Variants in POF1B observed in about 807,000 individuals in gnomAD.
POF1B encodes POF1B actin binding protein.
In POF1B, 53 loss-of-function variants were observed where a neutral mutation model predicts 55.3. The observed-to-expected ratio is 0.96, with a 90% CI of 0.77 to 1.20. The LOEUF is 1.20. POF1B is among the 50% of genes most tolerant of loss of function. POF1B has a pLI of 0.00. For missense variants in POF1B, 478 were observed against 420.5 expected (o/e 1.14, Z -1.20); for synonymous variants, 188 against 148.3 (o/e 1.27, Z -1.95).
chrX:85,324,629 G>T (rs989316290), intron 7 of POF1B, among the ~76,000 whole-genome samples: 1 of 111,155 alleles, frequency 9.0e-6, no homozygotes, highest in African/African-American at 3.3e-5. Flanking sequence ...GTCTCTTGAA[G>T]ATAGGATACC....
intron 5 of POF1B, among the ~76,000 whole-genome samples, chrX:85,349,545 G>T (rs1933337428): frequency 9.0e-6 from 1 of 110,632 alleles, no homozygotes; most frequent in East Asian, 2.9e-4. Flanking sequence ...AATATGACTG[G>T]TGTCCTTATA....
At chrX:85,374,071 T>C (rs983586845) in intron 2 of POF1B, among the ~76,000 whole-genome samples, 1 of 110,292 alleles carries the variant, frequency 9.1e-6, no homozygotes. Flanking sequence ...AGCAGAGGAG[T>C]GATATGGGAT....
At chrX:85,306,000 AT>A in intron 12 of POF1B, 90 bp from the exon 13 acceptor site, 1 of 1,038,095 alleles carries the variant, frequency 9.6e-7, no homozygotes, top group South Asian at 2.2e-5. Context: ...TGAAAACCAC[AT>A]GATTAAATAA....
intron 6 of POF1B, among the ~76,000 whole-genome samples, chrX:85,336,111 GTT>G (rs1933069833): frequency 9.1e-6 from 1 of 110,479 alleles, no homozygotes; most frequent in Non-Finnish European, 1.9e-5. Context: ...TGTAATATTT[GTT>G]TTTCTGTGCC....
chrX:85,378,889 AG>A (rs1158016610), intron 2 of POF1B, among the ~76,000 whole-genome samples: 1 of 112,350 alleles, frequency 8.9e-6, no homozygotes, highest in East Asian at 2.8e-4. Flanking sequence ...GTAGGGGCAA[AG>A]GGATTCCTTG....
intron 6 of POF1B, among the ~76,000 whole-genome samples, chrX:85,337,164 T>C (rs1933092376): frequency 9.0e-6 from 1 of 111,697 alleles, no homozygotes; most frequent in Non-Finnish European, 1.9e-5. Flanking sequence ...TGTGTTTGTT[T>C]TATGCCATTA....
At chrX:85,345,796 G>A (rs1414979429) in intron 6 of POF1B, 64 bp downstream of exon 6, 1 of 975,840 alleles carries the variant, frequency 1.0e-6, no homozygotes, top group Non-Finnish European at 1.4e-6. Context: ...CACCTGCATA[G>A]TGGTATGAGA....
intron 7 of POF1B, among the ~76,000 whole-genome samples, chrX:85,327,384 AATTGCTTATGAGTAATAC>A (rs1256006082): frequency 2.7e-5 from 3 of 111,805 alleles, no homozygotes; most frequent in Admixed American, 1.9e-4. Flanking sequence ...CCTTCTTTGT[AATTGCTTATGAGTAATAC>A]ATTGCCTACA....
rs1040720778 is a variant in POF1B at position 85,299,888 on chromosome X, T to G, written c.1649+3518A>C. Among the ~76,000 whole-genome samples the G allele has an allele frequency of 2.7e-5, 3 of 112,538 alleles. No individual in the cohort carries two copies. In the Admixed American group the frequency reaches 2.8e-4, roughly 11 times the overall value. The stretch of plus-strand genomic sequence containing the variant: ...AGGTTAGAGCTCCTTCAAAGCCACA[T>G]TGTCGTTATAATTGTCATTGTTTGA... On this transcript the variant is annotated intron_variant, in intron 15 of 16. Transcript: ENST00000262753.
intron 15 of POF1B, among the ~76,000 whole-genome samples, chrX:85,287,058 T>A (rs778523665): frequency 8.1e-5 from 9 of 111,332 alleles, no homozygotes; most frequent in Non-Finnish European, 1.7e-4. Context: ...TGAATGCAAA[T>A]GAAAATATAA....
intron 6 of POF1B, among the ~76,000 whole-genome samples, chrX:85,332,932 T>A (rs1022601017): frequency 9.0e-5 from 10 of 111,149 alleles, no homozygotes; most frequent in Non-Finnish European, 1.5e-4. Context: ...GTAAAGTCAA[T>A]ATCATCACAT....
intron 15 of POF1B, among the ~76,000 whole-genome samples, chrX:85,288,308 C>G (rs986420147): frequency 1.8e-5 from 2 of 110,955 alleles, no homozygotes; most frequent in Non-Finnish European, 3.8e-5. Context: ...CCCTGTCCCC[C>G]ACTTGTAGAA....
At chrX:85,303,519 A>T in intron 14 of POF1B, 31 bp from the exon 15 acceptor site, 1 of 943,683 alleles carries the variant, frequency 1.1e-6, no homozygotes, top group South Asian at 2.2e-5. Context: ...TAATCATTTG[A>T]TGGAAAGTAG....
intron 5 of POF1B, 78 bp downstream of exon 5, chrX:85,351,272 A>C: frequency 1.6e-6 from 1 of 638,374 alleles, no homozygotes; most frequent in East Asian, 3.7e-5. Flanking sequence ...TTCAGAGTTG[A>C]ATGTCACTTG....
rs199913072 is a variant in POF1B at position 85,308,214 on chromosome X, C to T, written c.960G>A (p.Met320Ile). The change falls in exon 10 of 17, where the codon ATG becomes ATA. Residue 320 changes from methionine to isoleucine, a missense_variant and splice_region_variant. Coordinates refer to ENST00000262753, the MANE Select transcript of POF1B (RefSeq NM_024921.4). ...GGAGTGACTTATCAGACATACCCCT[C>T]ATCTGCAGGAAGAAAGGATTAATGG... Reference protein sequence around the residue: ...TKQQIRYILQMRGMSDKSLRL... With the variant: ...TKQQIRYILQIRGMSDKSLRL... The T allele has an allele frequency of 1.4e-4, 160 of 1,122,189 alleles. No individual in the cohort carries two copies. The highest frequency in any genetic ancestry group is 1.8e-4 in the Non-Finnish European group (154 of 837,785). The allele number at this position is 1,122,189 out of a possible 1,213,427, so 92.5% of individuals were successfully genotyped here. A position where few individuals can be genotyped will look rare whatever the true frequency, so the allele number is the denominator to read the frequency against.
At chrX:85,312,077 C>G (rs939044853) in intron 9 of POF1B, among the ~76,000 whole-genome samples, 7 of 111,626 alleles carry the variant, frequency 6.3e-5, no homozygotes, top group African/African-American at 2.3e-4. Context: ...GGGTATTAGC[C>G]CTTTGTCAGA....
Position 85,306,178 on chromosome X carries a change from T to A in POF1B, c.1317+3A>T, listed in dbSNP as rs1199354511. On this transcript the variant is annotated splice_donor_region_variant and intron_variant, in intron 12 of 16. Coordinates refer to ENST00000262753, the MANE Select transcript of POF1B (RefSeq NM_024921.4). ...CTGTATATTTAAAAGGAAGTTTTAA[T>A]ACCTGCATTCTAAGGTTTTGATTCT... 2 of 1,191,455 alleles carry A rather than the reference T, an allele frequency of 1.7e-6. No homozygotes were observed. Among genetic ancestry groups the A allele is most frequent in the Non-Finnish European group, 2.3e-6 (2 of 880,855 alleles).
At chrX:85,283,667 A>G (rs1360327239) in intron 15 of POF1B, among the ~76,000 whole-genome samples, 1 of 110,504 alleles carries the variant, frequency 9.0e-6, no homozygotes, top group African/African-American at 3.3e-5. Context: ...TCCAAGCATG[A>G]TGTAAAGCTA....
intron 2 of POF1B, among the ~76,000 whole-genome samples, chrX:85,374,865 C>T (rs1243949500): frequency 8.9e-6 from 1 of 112,164 alleles, no homozygotes; most frequent in Non-Finnish European, 1.9e-5. Flanking sequence ...ATGTTATACT[C>T]AACTTATATA....
Sources: allele counts gnomAD v4.1 joint callset (sites outside exome capture counted in the v4.1 genomes callset), GRCh38; gene constraint gnomAD v4.1.1; transcripts MANE v1.5; gene names NCBI Gene and HGNC (gene_info 2026-07-23, HGNC 2026-07-21).